The following KAZN variants were observed in gnomAD, a reference collection of about 807,000 sequenced individuals.
KAZN encodes the protein kazrin.
A neutral mutation model predicts 87.4 loss-of-function variants in KAZN; 40 were observed. The observed-to-expected ratio is 0.46, with a 90% CI of 0.36 to 0.60. The LOEUF is 0.60. Among genes scored for constraint, KAZN ranks in the 20% least tolerant of loss-of-function variants. KAZN has a pLI of 0.00. For synonymous variants in KAZN, 466 were observed against 458.3 expected (o/e 1.02, Z -0.22); for missense variants, 898 against 1,073.9 (o/e 0.84, Z 2.29).
intron 1 of KAZN, among the ~76,000 whole-genome samples, chr1:14,813,018 A>T (rs1481407276): frequency 6.6e-6 from 1 of 152,194 alleles, no homozygotes; most frequent in Non-Finnish European, 1.5e-5. Flanking sequence ...ACTGGTTTGA[A>T]GTACTACTTA....
At chr1:14,521,380 T>C (rs1479046789) in intron 2 of KAZN, among the ~76,000 whole-genome samples, 2 of 152,218 alleles carry the variant, frequency 1.3e-5, no homozygotes, top group East Asian at 3.8e-4. Flanking sequence ...AAATGGCTCA[T>C]GTGTGTCCAC....
chr1:14,265,456 G>A lies in KAZN; in HGVS notation c.249+84864G>A, dbSNP rs565578465. ...ACCACTTCAAGGTTGCTGGCTGCATGGTGAAATACGCAGCAATGATAAAAA... is the reference window on the plus strand; with the variant it reads ...ACCACTTCAAGGTTGCTGGCTGCATAGTGAAATACGCAGCAATGATAAAAA... On this transcript the variant is annotated intron_variant, in intron 2 of 16. Coordinates refer to the KAZN transcript ENST00000636203. 7.7e-4 allele frequency among the ~76,000 whole-genome samples: 117 copies of A among 152,324 alleles called. 3 individuals are homozygous for A. In the South Asian group the frequency reaches 0.012, roughly 16 times the overall value.
At chr1:14,865,160 G>A (rs1007223152) in intron 1 of KAZN, among the ~76,000 whole-genome samples, 1 of 152,150 alleles carries the variant, frequency 6.6e-6, no homozygotes, top group South Asian at 2.1e-4. Flanking sequence ...TCTGCCTCTT[G>A]CCCAAGGTCA....
At chr1:14,595,239 G>A (rs896997333), upstream of KAZN, among the ~76,000 whole-genome samples, 6 of 152,140 alleles carry the variant, frequency 3.9e-5, no homozygotes, top group African/African-American at 1.4e-4. Flanking sequence ...CAAAACTACA[G>A]AGCTGTGTGG....
At chr1:13,961,060 C>T (rs1446566704) in intron 1 of KAZN, among the ~76,000 whole-genome samples, 1 of 152,190 alleles carries the variant, frequency 6.6e-6, no homozygotes, top group Non-Finnish European at 1.5e-5. Context: ...GACAACGTTC[C>T]TGCATTCCTT....
At chr1:14,261,995 C>A (rs1322375834) in intron 2 of KAZN, among the ~76,000 whole-genome samples, 12 of 151,982 alleles carry the variant, frequency 7.9e-5, no homozygotes, top group Non-Finnish European at 1.6e-4. Flanking sequence ...ATAGAAGAAC[C>A]CTGAGATTTT....
chr1:14,622,571 T>C (rs892190567), intron 1 of KAZN, among the ~76,000 whole-genome samples: 4 of 151,430 alleles, frequency 2.6e-5, no homozygotes, highest in African/African-American at 9.7e-5. Flanking sequence ...GGTGCCTGTA[T>C]TCCCAGCTAC....
At chr1:14,312,603 A>G (rs1386716644) in intron 2 of KAZN, among the ~76,000 whole-genome samples, 3 of 152,184 alleles carry the variant, frequency 2.0e-5, no homozygotes, top group Non-Finnish European at 4.4e-5. Flanking sequence ...AGTATAATAT[A>G]TAGAAACACC....
chr1:15,059,825 A>T (rs2100518963), intron 5 of KAZN, among the ~76,000 whole-genome samples: 1 of 152,306 alleles, frequency 6.6e-6, no homozygotes, highest in South Asian at 2.1e-4. Context: ...TGCTGCTTAG[A>T]AATGAATTTA....
intron 2 of KAZN, among the ~76,000 whole-genome samples, chr1:14,194,541 AC>A (rs1646487093): frequency 1.3e-5 from 2 of 151,744 alleles, no homozygotes; most frequent in African/African-American, 2.4e-5. Flanking sequence ...GTGTCCCCAG[AC>A]CCATCCTCTC....
intron 2 of KAZN, among the ~76,000 whole-genome samples, chr1:14,348,312 C>G (rs72867398): frequency 0.058 from 8,894 of 152,152 alleles, 453 homozygotes; most frequent in East Asian, 0.19. Flanking sequence ...CCAGCCTCTC[C>G]AAATGCTGGA....
At chr1:14,359,707 C>T (rs1405212951) in intron 2 of KAZN, among the ~76,000 whole-genome samples, 2 of 152,098 alleles carry the variant, frequency 1.3e-5, no homozygotes, top group East Asian at 1.9e-4. Flanking sequence ...CGTCGTTTGG[C>T]TGGATATGAA....
At chr1:14,287,518 G>A (rs1653348415) in intron 2 of KAZN, among the ~76,000 whole-genome samples, 1 of 152,156 alleles carries the variant, frequency 6.6e-6, no homozygotes, top group Admixed American at 6.5e-5. Flanking sequence ...TGTGATTTTT[G>A]CACATTGATT....
At chr1:14,729,871 G>T (rs1336039749) in intron 1 of KAZN, among the ~76,000 whole-genome samples, 1 of 152,106 alleles carries the variant, frequency 6.6e-6, no homozygotes, top group Non-Finnish European at 1.5e-5. Context: ...AATCAAAAGA[G>T]GCATATCTAC....
intron 1 of KAZN, among the ~76,000 whole-genome samples, chr1:14,702,325 A>G (rs1470100530): frequency 2.6e-5 from 1 of 38,190 alleles, no homozygotes; most frequent in Non-Finnish European, 6.0e-5. Context: ...TTTTTGCAAA[A>G]CTGTGTGTGT....
intron 1 of KAZN, among the ~76,000 whole-genome samples, chr1:14,906,872 C>T (rs532513790): frequency 6.6e-6 from 1 of 151,716 alleles, no homozygotes; most frequent in South Asian, 2.1e-4. Context: ...ACCCGCTCCC[C>T]GCCTTGTTCC....
intron 2 of KAZN, among the ~76,000 whole-genome samples, chr1:14,445,080 C>G (rs186151062): frequency 1.3e-5 from 2 of 151,422 alleles, no homozygotes; most frequent in East Asian, 3.9e-4. Context: ...GGCTGGAGTG[C>G]AGTGGCGTGA....
rs554490640 is a variant in KAZN at position 14,820,290 on chromosome 1, G to A, written c.227-140394G>A. On this transcript the variant is annotated intron_variant, in intron 1 of 14. Transcript: ENST00000376030. The surrounding 1 kb of genome is among the most constrained non-coding windows in gnomAD (Gnocchi z 4.1). ...GCCTACTCTCCCTAACTGTTTCCCC[G>A]CAGAGGCTTCAGGGCTTTTGAGGGT... 1.3e-5 allele frequency among the ~76,000 whole-genome samples: 2 copies of A among 152,266 alleles called. No individual in the cohort carries two copies. The highest frequency in any genetic ancestry group is 2.1e-4 in the South Asian group (1 of 4,820).
intron 2 of KAZN, among the ~76,000 whole-genome samples, chr1:14,539,530 G>T (rs55759200): frequency 6.6e-6 from 1 of 151,950 alleles, no homozygotes; most frequent in African/African-American, 2.4e-5. Context: ...GGAATTCTGC[G>T]TCCTCTCTCT....
Sources: allele counts gnomAD v4.1 joint callset (sites outside exome capture counted in the v4.1 genomes callset), GRCh38; gene constraint gnomAD v4.1.1; non-coding constraint Gnocchi (gnomAD v3.1); transcripts MANE v1.5; gene names NCBI Gene and HGNC (gene_info 2026-07-23, HGNC 2026-07-21).